The following CTNNA3 variants were observed in gnomAD, a reference collection of about 807,000 sequenced individuals.
CTNNA3 encodes the protein catenin alpha 3.
Under a neutral mutation model 95.7 loss-of-function variants are expected in CTNNA3, and 76 were observed. That is an observed-to-expected ratio of 0.79 (90% CI 0.66 to 0.96). CTNNA3 has a LOEUF of 0.96. Among genes scored for constraint, CTNNA3 ranks in the 40% least tolerant of loss-of-function variants. The pLI, the probability that CTNNA3 is intolerant of heterozygous loss-of-function variation, is 0.00. For synonymous variants in CTNNA3, 431 were observed against 374.4 expected, an observed-to-expected ratio of 1.15 and a Z score of -1.74; for missense variants, 1,191 against 1,089.8, an observed-to-expected ratio of 1.09 and a Z score of -1.31.
chr10:66,598,161 A>C (rs1018706804), intron 10 of CTNNA3, among the ~76,000 whole-genome samples: 1 of 152,088 alleles, frequency 6.6e-6, no homozygotes, highest in African/African-American at 2.4e-5. Context: ...AGGACAAAAA[A>C]AATAACATCT....
At chr10:67,416,079 T>A (rs1335133439) in intron 5 of CTNNA3, among the ~76,000 whole-genome samples, 2 of 152,130 alleles carry the variant, frequency 1.3e-5, no homozygotes, top group Non-Finnish European at 1.5e-5. Context: ...TTCTCAACAT[T>A]GGCCTTGGCA....
intron 9 of CTNNA3, among the ~76,000 whole-genome samples, chr10:66,647,306 T>C (rs1589065210): frequency 1.3e-5 from 2 of 151,952 alleles, no homozygotes; most frequent in Non-Finnish European, 2.9e-5. Context: ...TAGTCCAGAG[T>C]GAAAAAGTGA....
At chr10:66,617,360 A>G (rs1466792072) in intron 10 of CTNNA3, among the ~76,000 whole-genome samples, 2 of 152,104 alleles carry the variant, frequency 1.3e-5, no homozygotes, top group African/African-American at 4.8e-5. Flanking sequence ...AAGCTTATCC[A>G]CCATGATCAA....
chr10:66,706,766 G>T (rs2132590856), intron 9 of CTNNA3, among the ~76,000 whole-genome samples: 1 of 152,112 alleles, frequency 6.6e-6, no homozygotes, highest in South Asian at 2.1e-4. Context: ...TATGAAAAGG[G>T]GGAGGGGGTC....
At chr10:66,238,696 A>ATG (rs2089976737) in intron 13 of CTNNA3, among the ~76,000 whole-genome samples, 4 of 151,348 alleles carry the variant, frequency 2.6e-5, no homozygotes, top group African/African-American at 9.7e-5. Context: ...ATATATATAT[A>ATG]TAATTTTTTT....
At chr10:65,961,407 A>C (rs2077839999) in intron 17 of CTNNA3, among the ~76,000 whole-genome samples, 1 of 152,208 alleles carries the variant, frequency 6.6e-6, no homozygotes, top group Non-Finnish European at 1.5e-5. Context: ...TGTACTTTTA[A>C]GGCTAAGCCA....
intron 7 of CTNNA3, among the ~76,000 whole-genome samples, chr10:66,843,643 A>C (rs1843147964): frequency 6.6e-6 from 1 of 152,060 alleles, no homozygotes; most frequent in African/African-American, 2.4e-5. Flanking sequence ...AGGCAGAATC[A>C]CAAAAACCAA....
At chr10:66,025,030 C>G (rs2079307681) in intron 15 of CTNNA3, among the ~76,000 whole-genome samples, 1 of 152,176 alleles carries the variant, frequency 6.6e-6, no homozygotes, top group East Asian at 1.9e-4. Flanking sequence ...AGCTTTGCAT[C>G]TATTTGAATG....
chr10:67,068,139 G>C (rs1035806890), intron 7 of CTNNA3, among the ~76,000 whole-genome samples: 9 of 152,056 alleles, frequency 5.9e-5, no homozygotes, highest in African/African-American at 2.2e-4. Context: ...AATAATGAGA[G>C]CTAAACTAAG....
chr10:66,002,359 T>G (rs1257265687), intron 15 of CTNNA3, among the ~76,000 whole-genome samples: 3 of 152,164 alleles, frequency 2.0e-5, no homozygotes, highest in Non-Finnish European at 4.4e-5. Flanking sequence ...AATACTCAGC[T>G]AGCAATCATC....
At chr10:66,925,986 T>A (rs1480685976) in intron 7 of CTNNA3, 1 of 456,570 alleles carries the variant, frequency 2.2e-6, no homozygotes, top group African/African-American at 2.0e-5. Flanking sequence ...ATAATGTTCT[T>A]CACCACTGGG....
chr10:66,162,094 C>T (rs1184225697), intron 13 of CTNNA3, among the ~76,000 whole-genome samples: 4 of 149,132 alleles, frequency 2.7e-5, no homozygotes, highest in Non-Finnish European at 4.5e-5. Context: ...TTGAATATTT[C>T]TCCCTTCACT....
rs141406003 is a variant in CTNNA3 at position 66,257,674 on chromosome 10, C to T, written c.1884+22796G>A. Among the ~76,000 whole-genome samples, 84 of 152,302 alleles carry T rather than the reference C, an allele frequency of 5.5e-4. 1 individual carries two copies. Among genetic ancestry groups the T allele is most frequent in the African/African-American group, 1.8e-3 (76 of 41,570 alleles). ...AAGTTCTTCAGACTCCCTGATGCCT[C>T]TTGAAACCAGAAGCATGAAAAGAGT... On this transcript the variant is annotated intron_variant, in intron 13 of 17. Coordinates refer to ENST00000433211, the MANE Select transcript of CTNNA3 (RefSeq NM_013266.4).
intron 7 of CTNNA3, among the ~76,000 whole-genome samples, chr10:66,846,446 A>T (rs1019428862): frequency 1.4e-5 from 2 of 145,850 alleles, no homozygotes; most frequent in African/African-American, 5.1e-5. Flanking sequence ...TTGCTAAGAG[A>T]ACAGATTGTA....
chr10:67,451,641 C>T (rs1208716903), intron 5 of CTNNA3, among the ~76,000 whole-genome samples: 5 of 152,176 alleles, frequency 3.3e-5, no homozygotes, highest in South Asian at 2.1e-4. Context: ...TGGTTTGATG[C>T]TTCCTGACAG....
In CTNNA3 at chr10:67,392,276, A is replaced by T. The variant is rs373636486; in HGVS notation, c.579+129566T>A. Among the ~76,000 whole-genome samples the T allele has an allele frequency of 5.3e-5, 8 of 152,362 alleles. No individual in the cohort carries two copies. In the East Asian group the frequency reaches 1.3e-3, roughly 26 times the overall value. Reference sequence around the variant, plus strand: ...GAACAGACACTTCTCAAAAGAAGACATTTATTCAGCCAACAGACACGTGAA... The same window carrying T: ...GAACAGACACTTCTCAAAAGAAGACTTTTATTCAGCCAACAGACACGTGAA... On this transcript the variant is annotated intron_variant, in intron 5 of 17. Coordinates refer to ENST00000433211, the MANE Select transcript of CTNNA3 (RefSeq NM_013266.4).
chr10:66,029,746 G>T (rs1423282529), intron 15 of CTNNA3, among the ~76,000 whole-genome samples: 3 of 152,102 alleles, frequency 2.0e-5, no homozygotes, highest in Non-Finnish European at 4.4e-5. Flanking sequence ...TTTATTCCAT[G>T]AGCTTGGAAC....
chr10:66,509,148 G>A (rs1840568963), intron 11 of CTNNA3, among the ~76,000 whole-genome samples: 2 of 152,022 alleles, frequency 1.3e-5, no homozygotes, highest in African/African-American at 4.8e-5. Context: ...TAGTGATTTT[G>A]AGCATTTTTC....
intron 7 of CTNNA3, among the ~76,000 whole-genome samples, chr10:66,950,157 TTATATTTTA>T (rs1848466167): frequency 6.6e-6 from 1 of 152,182 alleles, no homozygotes; most frequent in Non-Finnish European, 1.5e-5. Flanking sequence ...TTTTGACAAA[TTATATTTTA>T]TAACCAAATT....
Sources: gnomAD v4.1 joint callset for allele counts (sites outside exome capture counted in the v4.1 genomes callset) on GRCh38, gnomAD v4.1.1 for gene constraint, MANE v1.5 for transcripts, NCBI Gene and HGNC (gene_info 2026-07-23, HGNC 2026-07-21) for gene names.